BMP6: variants seen among roughly 807,000 people sequenced by gnomAD.
The protein encoded by BMP6 is VG-1-R.
Under a neutral mutation model 54.1 loss-of-function variants are expected in BMP6, and 17 were observed. The ratio of observed to expected loss-of-function variants is 0.31; its 90% CI spans 0.22 to 0.47. The LOEUF is 0.47. Ranked by LOEUF, BMP6 falls within the 20% of genes least tolerant of loss-of-function variation. BMP6 has a pLI of 1.00. For missense variants in BMP6, 720 were observed against 690.4 expected (o/e 1.04, Z -0.48); for synonymous variants, 328 against 291.2 (o/e 1.13, Z -1.28).
At chr6:7,747,302 A>C (rs796945016) in intron 1 of BMP6, among the ~76,000 whole-genome samples, 1 of 152,204 alleles carries the variant, frequency 6.6e-6, no homozygotes, top group East Asian at 1.9e-4. Flanking sequence ...TAAAATAGGG[A>C]GATTATCCTG....
chr6:7,862,441 C>G lies in BMP6; in HGVS notation c.1147C>G (p.Gln383Glu), dbSNP rs1457108436. The change falls in exon 4 of 7, where the codon CAG (glutamine) becomes GAG (glutamate). Residue 383 changes from glutamine (Q) to glutamate (E), a missense_variant. This residue lies in a region of BMP6 where 650 missense variants were observed against 556.3 expected (regional missense o/e 1.17). Transcript: ENST00000283147. ...TRSASSRRRQ[Q>E]SRNRSTQSQD... ...GTCAGCCTCCAGCCGGCGCCGACAA[C>G]AGAGTCGTAATCGCTCTACCCAGTC... 3 of 1,614,208 alleles carry G rather than the reference C, an allele frequency of 1.9e-6. No individual in the cohort carries two copies. Among genetic ancestry groups the G allele is most frequent in the Non-Finnish European group, 2.5e-6 (3 of 1,180,048 alleles).
intron 4 of BMP6, 32 bp from the exon 5 acceptor site, chr6:7,879,042 T>C (rs1187465844): frequency 6.3e-7 from 1 of 1,597,694 alleles, no homozygotes; most frequent in Admixed American, 1.7e-5. Flanking sequence ...GTGCATCTTT[T>C]GATGGGTGCA....
chr6:7,730,800 T>C (rs529410186), intron 1 of BMP6, among the ~76,000 whole-genome samples: 14 of 152,336 alleles, frequency 9.2e-5, no homozygotes, highest in Middle Eastern at 3.4e-3. Flanking sequence ...ACCTGACTCA[T>C]CTATTAAAGA....
chr6:7,772,550 A>G (rs556444134), intron 1 of BMP6, among the ~76,000 whole-genome samples: 3 of 152,302 alleles, frequency 2.0e-5, no homozygotes, highest in African/African-American at 7.2e-5. Flanking sequence ...TGAGAATGAC[A>G]ACTGCCAATG....
At chr6:7,778,434 TG>T (rs1205210397) in intron 1 of BMP6, among the ~76,000 whole-genome samples, 2 of 151,932 alleles carry the variant, frequency 1.3e-5, no homozygotes, top group Non-Finnish European at 2.9e-5. Context: ...TTCAGTGCCT[TG>T]CCCGAAGTCA....
chr6:7,750,856 GC>G lies in BMP6; in HGVS notation c.664+23241del, dbSNP rs1757411442. On this transcript the variant is annotated intron_variant, in intron 1 of 6. Transcript: ENST00000283147. ...AACTTCCTCACTCTTGTCCACTTCTGCCCCATTCTGAGATGTTTGAGCTGTA... is the reference window on the plus strand; with the variant it reads ...AACTTCCTCACTCTTGTCCACTTCTGCCCATTCTGAGATGTTTGAGCTGTA... Among the ~76,000 whole-genome samples the G allele has an allele frequency of 1.3e-5, 2 of 152,064 alleles. 1 individual carries two copies. The highest frequency in any genetic ancestry group is 3.8e-4 in the East Asian group (2 of 5,206).
intron 1 of BMP6, among the ~76,000 whole-genome samples, chr6:7,817,333 G>T (rs1581260759): frequency 1.3e-5 from 2 of 151,960 alleles, no homozygotes; most frequent in East Asian, 3.9e-4. Context: ...AAAATGATGT[G>T]ATTATATATT....
Position 7,727,451 on chromosome 6 carries a change from G to A in BMP6, c.496G>A (p.Ala166Thr), listed in dbSNP as rs764826492. The A allele has an allele frequency of 6.2e-7, 1 of 1,601,114 alleles. No individual in the cohort carries two copies. The highest frequency in any genetic ancestry group is 1.1e-5 in the South Asian group (1 of 89,908). ...ERQQSWPHEAASSSQRRQPPP... is the reference protein window; with the variant it reads ...ERQQSWPHEATSSSQRRQPPP... ...GCAGCAGTCCTGGCCCCACGAAGCA[G>A]CCAGCTCGTCCCAGCGTCGGCAGCC... The change falls in exon 1 of 7, where the codon GCC (alanine) becomes ACC (threonine). Residue 166 changes from alanine (A) to threonine (T), a missense_variant. Around this residue, in one of 3 missense-constraint regions of BMP6, gnomAD observed 650 missense variants for 556.3 expected, o/e 1.17. Coordinates refer to ENST00000283147, the MANE Select transcript of BMP6 (RefSeq NM_001718.6).
Position 7,811,737 on chromosome 6 carries a change from C to T in BMP6, c.665-33403C>T, listed in dbSNP as rs551451008. On this transcript the variant is annotated intron_variant, in intron 1 of 6. Transcript: ENST00000283147. ...TTCATTGTCGCTCTAACATCTTCCT[C>T]CCTTTATTAAATTCACATCAGTTCA... Among the ~76,000 whole-genome samples, 8 of 152,282 alleles carry T rather than the reference C, an allele frequency of 5.3e-5. No individual in the cohort carries two copies. The South Asian group carries it at 1.0e-3, about 20-fold the overall frequency.
At chr6:7,755,563 A>G (rs1449955256) in intron 1 of BMP6, among the ~76,000 whole-genome samples, 2 of 152,194 alleles carry the variant, frequency 1.3e-5, no homozygotes, top group African/African-American at 4.8e-5. Context: ...CAAGCAGTCA[A>G]TCACGTTTTA....
intron 4 of BMP6, 90 bp downstream of exon 4, chr6:7,862,588 C>T: frequency 6.6e-7 from 1 of 1,512,388 alleles, no homozygotes; most frequent in South Asian, 1.2e-5. Context: ...TGTCGGGCAG[C>T]TTCTGCACAG....
intron 2 of BMP6, among the ~76,000 whole-genome samples, chr6:7,845,702 GATA>G (rs1759050784): frequency 6.6e-6 from 1 of 152,050 alleles, no homozygotes; most frequent in Admixed American, 6.6e-5. Context: ...GCTTGTAAGT[GATA>G]ATAATTCCAG....
intron 1 of BMP6, among the ~76,000 whole-genome samples, chr6:7,729,608 G>A (rs1405444193): frequency 3.3e-4 from 50 of 152,276 alleles, no homozygotes; most frequent in Non-Finnish European, 4.4e-5. Context: ...GTGGGGCACA[G>A]GCATCATTTT....
At chr6:7,831,753 A>G (rs1336815096) in intron 1 of BMP6, among the ~76,000 whole-genome samples, 1 of 152,230 alleles carries the variant, frequency 6.6e-6, no homozygotes, top group Non-Finnish European at 1.5e-5. Context: ...AGATGTGTTC[A>G]GCAGGTTCTC....
chr6:7,783,735 C>A (rs1370111597), intron 1 of BMP6, among the ~76,000 whole-genome samples: 1 of 152,236 alleles, frequency 6.6e-6, no homozygotes, highest in South Asian at 2.1e-4. Context: ...CCTCAATACT[C>A]CTTCTGGCTG....
intron 1 of BMP6, among the ~76,000 whole-genome samples, chr6:7,777,851 C>G (rs1466581097): frequency 6.6e-6 from 1 of 151,988 alleles, no homozygotes; most frequent in Non-Finnish European, 1.5e-5. Flanking sequence ...TGGGACTCTC[C>G]CAAGCGACAA....
chr6:7,759,720 T>TTG (rs1491018532), intron 1 of BMP6, among the ~76,000 whole-genome samples: 1 of 139,624 alleles, frequency 7.2e-6, no homozygotes, highest in South Asian at 2.2e-4. Flanking sequence ...TTTTTTTTTT[T>TTG]GGAGACTGAA....
chr6:7,773,792 T>C (rs1360798838), intron 1 of BMP6, among the ~76,000 whole-genome samples: 1 of 152,200 alleles, frequency 6.6e-6, no homozygotes, highest in Non-Finnish European at 1.5e-5. Flanking sequence ...TTTCCACGCG[T>C]TTACTACCTG....
At chr6:7,877,641 T>C (rs1175014541) in intron 4 of BMP6, among the ~76,000 whole-genome samples, 1 of 151,256 alleles carries the variant, frequency 6.6e-6, no homozygotes, top group Non-Finnish European at 1.5e-5. Context: ...AAAAAAAAAA[T>C]TAATGAAATC....
Sources: gnomAD v4.1 joint callset for allele counts (sites outside exome capture counted in the v4.1 genomes callset) on GRCh38, gnomAD v4.1.1 for gene constraint, gnomAD v4.1.1 regional missense constraint, MANE v1.5 for transcripts, NCBI Gene and HGNC (gene_info 2026-07-23, HGNC 2026-07-21) for gene names.